Variants in SH3BGRL2 observed in about 807,000 individuals in gnomAD.
SH3BGRL2 encodes SH3 domain binding glutamate rich protein like 2, also known as SH3 domain-binding glutamic acid-rich-like protein 2.
SH3BGRL2 carries 21 observed loss-of-function variants against 14.8 expected under a neutral mutation model. That is an observed-to-expected ratio of 1.42 (90% CI 1.01 to 2.05). The LOEUF (loss-of-function observed/expected upper bound fraction) is 2.05. Among genes scored for constraint, SH3BGRL2 ranks in the 30% most tolerant of loss-of-function variants. The pLI is 0.00. For synonymous variants in SH3BGRL2, 50 were observed against 47.8 expected (o/e 1.05, Z -0.19); for missense variants, 147 against 130.8 (o/e 1.12, Z -0.61).
chr6:79,598,758 TAATG>T, the SH3BGRL2 span, among the ~76,000 whole-genome samples: 1 of 152,166 alleles, frequency 6.6e-6, no homozygotes, highest in African/African-American at 2.4e-5. Context: ...AATTATATCT[TAATG>T]AAGTTATAAA....
At chr6:79,632,979 C>A (rs777589938) in intron 1 of SH3BGRL2, among the ~76,000 whole-genome samples, 54 of 152,296 alleles carry the variant, frequency 3.5e-4, no homozygotes, top group Admixed American at 7.2e-4. Flanking sequence ...ATCCCTTCCA[C>A]AAGAGATAAA....
chr6:79,611,887 T>C, the SH3BGRL2 span, among the ~76,000 whole-genome samples: 52 of 152,172 alleles, frequency 3.4e-4, no homozygotes, highest in Non-Finnish European at 4.8e-4. Flanking sequence ...ACATTATGCC[T>C]CTCTTGCTGG....
intron 1 of SH3BGRL2, among the ~76,000 whole-genome samples, chr6:79,649,899 CG>C (rs1382807756): frequency 6.6e-6 from 1 of 151,484 alleles, no homozygotes; most frequent in African/African-American, 2.4e-5. Flanking sequence ...TCCTTGTAAA[CG>C]TCTGAGTGAA....
chr6:79,683,689 T>C (rs1042180338), intron 2 of SH3BGRL2, among the ~76,000 whole-genome samples: 6 of 152,190 alleles, frequency 3.9e-5, no homozygotes, highest in East Asian at 1.9e-4. Context: ...CCTTGTGATC[T>C]GCCCGCCTTG....
upstream of SH3BGRL2, among the ~76,000 whole-genome samples, chr6:79,630,609 G>T (rs540936808): frequency 6.6e-6 from 1 of 152,318 alleles, no homozygotes; most frequent in South Asian, 2.1e-4. Context: ...CGAAGCCATT[G>T]TGTAGGGAGG....
At chr6:79,592,421 A>G in the SH3BGRL2 span, among the ~76,000 whole-genome samples, 3 of 152,216 alleles carry the variant, frequency 2.0e-5, no homozygotes, top group Admixed American at 2.0e-4. Context: ...TGTGAGTGTG[A>G]TATGTATTAC....
chr6:79,574,195 G>A, the SH3BGRL2 span: 1 of 152,180 alleles, frequency 6.6e-6, no homozygotes, highest in African/African-American at 2.4e-5. Context: ...ATTATTAACA[G>A]CATCTTCAAC....
chr6:79,578,318 T>A, the SH3BGRL2 span, among the ~76,000 whole-genome samples: 1 of 152,192 alleles, frequency 6.6e-6, no homozygotes, highest in African/African-American at 2.4e-5. Flanking sequence ...ACAGACTGCC[T>A]CCTCAAGTGG....
At chr6:79,649,690 C>G (rs915829933) in intron 1 of SH3BGRL2, among the ~76,000 whole-genome samples, 1 of 152,130 alleles carries the variant, frequency 6.6e-6, no homozygotes, top group African/African-American at 2.4e-5. Flanking sequence ...ATAGGTATAG[C>G]ATTTTAGCCC....
chr6:79,658,972 C>T (rs1319076240), intron 1 of SH3BGRL2, among the ~76,000 whole-genome samples: 1 of 152,140 alleles, frequency 6.6e-6, no homozygotes, highest in Non-Finnish European at 1.5e-5. Flanking sequence ...ATCCTTTGCC[C>T]ACTTTTTGAT....
chr6:79,686,317 T>C (rs1770088862), intron 2 of SH3BGRL2, among the ~76,000 whole-genome samples: 1 of 152,146 alleles, frequency 6.6e-6, no homozygotes, highest in Non-Finnish European at 1.5e-5. Flanking sequence ...TTTGCCCTTT[T>C]TCCCCCCTCC....
chr6:79,557,167 A>G, the SH3BGRL2 span, among the ~76,000 whole-genome samples: 1 of 151,924 alleles, frequency 6.6e-6, no homozygotes, highest in Non-Finnish European at 1.5e-5. Context: ...GTAGAATGGT[A>G]TTATATAGAT....
At chr6:79,539,877 A>C in the SH3BGRL2 span, among the ~76,000 whole-genome samples, 1 of 152,192 alleles carries the variant, frequency 6.6e-6, no homozygotes, top group African/African-American at 2.4e-5. Context: ...CCTTAGCTAA[A>C]GTTCAGTCAT....
At chr6:79,566,383 A>T in the SH3BGRL2 span, among the ~76,000 whole-genome samples, 2 of 151,962 alleles carry the variant, frequency 1.3e-5, no homozygotes, top group Non-Finnish European at 2.9e-5. Context: ...TCAGGCTGAG[A>T]CCCCACTATG....
chr6:79,625,069 G>C, the SH3BGRL2 span, among the ~76,000 whole-genome samples: 1 of 152,062 alleles, frequency 6.6e-6, no homozygotes, highest in African/African-American at 2.4e-5. Context: ...GCTACTCAGG[G>C]AGCTGAGGTG....
At chr6:79,580,485 AACTC>A in the SH3BGRL2 span, among the ~76,000 whole-genome samples, 1 of 152,218 alleles carries the variant, frequency 6.6e-6, no homozygotes, top group Non-Finnish European at 1.5e-5. Flanking sequence ...AGGATTAAGA[AACTC>A]ACTCAAAACC....
intron 1 of SH3BGRL2, among the ~76,000 whole-genome samples, chr6:79,647,205 G>T (rs748484591): frequency 5.3e-5 from 8 of 152,062 alleles, no homozygotes; most frequent in Non-Finnish European, 1.0e-4. Context: ...CTACATTTGT[G>T]ATTATTTGTC....
the SH3BGRL2 span, among the ~76,000 whole-genome samples, chr6:79,586,510 A>C: frequency 0.012 from 1,801 of 152,240 alleles, 39 homozygotes; most frequent in African/African-American, 0.04. Flanking sequence ...ATATTTTTGC[A>C]TTAAAATAAA....
the SH3BGRL2 span, among the ~76,000 whole-genome samples, chr6:79,562,173 TC>T: frequency 6.6e-6 from 1 of 152,114 alleles, no homozygotes; most frequent in South Asian, 2.1e-4. Context: ...ATTTGTGTAG[TC>T]CTGTAGAAAT....
Sources: gnomAD v4.1 joint callset for allele counts (sites outside exome capture counted in the v4.1 genomes callset) on GRCh38, gnomAD v4.1.1 for gene constraint, MANE v1.5 for transcripts, NCBI Gene and HGNC (gene_info 2026-07-23, HGNC 2026-07-21) for gene names.